The following SCFD2 variants were observed in gnomAD, a reference collection of about 807,000 sequenced individuals.
SCFD2 encodes the protein sec1 family domain containing 2, also known as sec1 family domain-containing protein 2.
SCFD2 carries 54 observed loss-of-function variants against 58.9 expected under a neutral mutation model. That is an observed-to-expected ratio of 0.92 (90% confidence interval 0.74 to 1.15). The LOEUF (loss-of-function observed/expected upper bound fraction) is 1.15, where lower values mean the gene tolerates loss of function less well. Ranked by LOEUF, SCFD2 falls within the 50% of genes most tolerant of loss-of-function variation. The pLI is 0.00. For missense variants in SCFD2, 805 were observed against 836.6 expected (o/e 0.96, Z 0.47); for synonymous variants, 321 against 335.9 (o/e 0.96, Z 0.49).
At chr4:53,245,105 T>G (rs2149029506) in intron 4 of SCFD2, among the ~76,000 whole-genome samples, 1 of 151,776 alleles carries the variant, frequency 6.6e-6, no homozygotes, top group East Asian at 1.9e-4. Context: ...TGAAATCCAA[T>G]CAGTAACAAA....
chr4:53,189,890 A>T (rs765364074), intron 4 of SCFD2, among the ~76,000 whole-genome samples: 9 of 152,218 alleles, frequency 5.9e-5, no homozygotes, highest in Non-Finnish European at 1.3e-4. Flanking sequence ...CCAAAGCCTA[A>T]CCCAGTGCCT....
chr4:52,874,209 G>A, intron 8 of SCFD2, 148 bp from the exon 9 acceptor site: 1 of 634,236 alleles, frequency 1.6e-6, no homozygotes, highest in Non-Finnish European at 2.9e-6. Flanking sequence ...GCAGCCAGCT[G>A]AATGGCACCT....
chr4:53,105,252 T>C (rs1049718375), intron 5 of SCFD2, among the ~76,000 whole-genome samples: 3 of 151,960 alleles, frequency 2.0e-5, no homozygotes, highest in East Asian at 1.9e-4. Flanking sequence ...AGCACAAAAC[T>C]GCGCGGCCGT....
chr4:52,973,819 G>A (rs577353177), intron 5 of SCFD2, among the ~76,000 whole-genome samples: 2 of 150,990 alleles, frequency 1.3e-5, no homozygotes, highest in African/African-American at 2.4e-5. Flanking sequence ...GCTTATCCAC[G>A]ATGATCAAGT....
At chr4:53,044,496 T>TCCTC (rs1722978372) in intron 5 of SCFD2, among the ~76,000 whole-genome samples, 1 of 151,480 alleles carries the variant, frequency 6.6e-6, no homozygotes, top group African/African-American at 2.4e-5. Context: ...GGAACTTCCT[T>TCCTC]CCTTCCTTCC....
chr4:52,899,159 A>G (rs1719110067), intron 7 of SCFD2, among the ~76,000 whole-genome samples: 2 of 152,212 alleles, frequency 1.3e-5, no homozygotes, highest in South Asian at 4.1e-4. Context: ...ATTTAAGGTT[A>G]GTATTGTAAT....
intron 2 of SCFD2, among the ~76,000 whole-genome samples, chr4:53,318,555 C>G (rs1395424434): frequency 6.6e-6 from 1 of 152,054 alleles, no homozygotes; most frequent in Non-Finnish European, 1.5e-5. Flanking sequence ...TTATAATATT[C>G]CTGAGAAAAA....
intron 5 of SCFD2, among the ~76,000 whole-genome samples, chr4:53,106,887 T>C (rs770649778): frequency 1.3e-5 from 2 of 152,074 alleles, no homozygotes; most frequent in Non-Finnish European, 2.9e-5. Context: ...ACCACAAAGA[T>C]ACCCCTCGAG....
At chr4:53,049,926 C>A (rs756505518) in intron 5 of SCFD2, among the ~76,000 whole-genome samples, 2 of 151,850 alleles carry the variant, frequency 1.3e-5, no homozygotes, top group African/African-American at 2.4e-5. Context: ...TTAAAAAATT[C>A]TTTGATTGGC....
chr4:53,081,847 G>A (rs1724157217), intron 5 of SCFD2, among the ~76,000 whole-genome samples: 1 of 151,920 alleles, frequency 6.6e-6, no homozygotes, highest in Non-Finnish European at 1.5e-5. Context: ...CTTCTCTACT[G>A]CCCACTCCAA....
At chr4:53,021,349 A>T (rs1722345253) in intron 5 of SCFD2, among the ~76,000 whole-genome samples, 1 of 152,238 alleles carries the variant, frequency 6.6e-6, no homozygotes, top group South Asian at 2.1e-4. Flanking sequence ...TTTATAGAAG[A>T]AAAACATTTT....
chr4:53,327,730 C>T (rs1434482875), intron 2 of SCFD2, among the ~76,000 whole-genome samples: 1 of 152,182 alleles, frequency 6.6e-6, no homozygotes, highest in African/African-American at 2.4e-5. Context: ...GGTTACTCAA[C>T]TGTTCAAGAA....
intron 3 of SCFD2, among the ~76,000 whole-genome samples, chr4:53,310,445 G>T: frequency 6.6e-6 from 1 of 152,150 alleles, no homozygotes; most frequent in Non-Finnish European, 1.5e-5. Context: ...ATGTATCAGC[G>T]TTTGAGATGG....
At chr4:53,071,155 T>C (rs1723802972) in intron 5 of SCFD2, among the ~76,000 whole-genome samples, 1 of 152,112 alleles carries the variant, frequency 6.6e-6, no homozygotes, top group African/African-American at 2.4e-5. Flanking sequence ...TGCTGAACTA[T>C]GAGAAGGAAG....
intron 4 of SCFD2, among the ~76,000 whole-genome samples, chr4:53,222,964 C>A (rs1008230346): frequency 1.3e-5 from 2 of 152,040 alleles, no homozygotes; most frequent in African/African-American, 4.8e-5. Context: ...TTCTTTCCCC[C>A]AAAAGAGCAC....
chr4:53,120,643 T>C (rs1261158480), intron 5 of SCFD2, among the ~76,000 whole-genome samples: 5 of 152,088 alleles, frequency 3.3e-5, no homozygotes, highest in African/African-American at 4.8e-5. Context: ...CTGGGAGAAA[T>C]AGACAGTATC....
At chr4:53,022,754 G>A (rs1407330049) in intron 5 of SCFD2, among the ~76,000 whole-genome samples, 1 of 152,182 alleles carries the variant, frequency 6.6e-6, no homozygotes, top group Non-Finnish European at 1.5e-5. Flanking sequence ...TGGTTGGCTA[G>A]AAGAAAATGC....
intron 4 of SCFD2, among the ~76,000 whole-genome samples, chr4:53,205,151 C>A (rs1675268248): frequency 6.6e-6 from 1 of 152,072 alleles, no homozygotes. Context: ...AAAAGGGAAT[C>A]TGCAGAATGA....
chr4:53,362,275 A>C (rs1210840116), intron 1 of SCFD2, among the ~76,000 whole-genome samples: 1 of 152,208 alleles, frequency 6.6e-6, no homozygotes, highest in Non-Finnish European at 1.5e-5. Context: ...CATGCTTAGC[A>C]TGTCTGACAA....
Sources: allele counts gnomAD v4.1 joint callset (sites outside exome capture counted in the v4.1 genomes callset), GRCh38; gene constraint gnomAD v4.1.1; transcripts MANE v1.5; gene names NCBI Gene and HGNC (gene_info 2026-07-23, HGNC 2026-07-21).